Variants in ZBTB25 observed in about 807,000 individuals in gnomAD.
ZBTB25 encodes zinc finger and BTB domain-containing protein 25.
Under a neutral mutation model 34.2 loss-of-function variants are expected in ZBTB25, and 20 were observed. The observed-to-expected ratio is 0.58, with a 90% confidence interval of 0.41 to 0.85. The LOEUF (loss-of-function observed/expected upper bound fraction) is 0.85, where lower values mean the gene tolerates loss of function less well. ZBTB25 is among the 40% of genes least tolerant of loss of function. The probability of loss-of-function intolerance (pLI) is 0.00; values close to 1 mark genes in which losing one functional copy is unlikely to be tolerated. For synonymous variants in ZBTB25, 175 were observed against 186.4 expected (o/e 0.94, Z 0.50); for missense variants, 437 against 521.8 (o/e 0.84, Z 1.58).
chr14:64,469,290 T>A (rs373543681), intron 2 of ZBTB25: 2 of 1,613,238 alleles, frequency 1.2e-6, no homozygotes, highest in South Asian at 2.2e-5. Flanking sequence ...AGTACAGAGA[T>A]TGTAGCTGAA....
chr14:64,484,217 A>G lies in ZBTB25; in HGVS notation c.*2706T>C, dbSNP rs943029132. The G allele has an allele frequency of 3.9e-5, 6 of 152,350 alleles. No individual in the cohort carries two copies. The East Asian group carries it at 7.7e-4, about 20-fold the overall frequency. 9.4% of individuals were successfully genotyped at this position (152,350 alleles called of 1,614,324 possible). A position where few individuals can be genotyped will look rare whatever the true frequency, so the allele number is the denominator to read the frequency against. Reference sequence around the variant, plus strand: ...CCACTATTTTCTTAACTCTCAACGAACAGATATATTTCTGCTTTAAATGAG... The same window carrying G: ...CCACTATTTTCTTAACTCTCAACGAGCAGATATATTTCTGCTTTAAATGAG... On this transcript the variant is annotated 3_prime_UTR_variant, in exon 3 of 3. Coordinates refer to ENST00000608382, the MANE Select transcript of ZBTB25 (RefSeq NM_006977.5).
exon 3 of ZBTB25, chr14:64,449,299 G>T: frequency 1.1e-6 from 1 of 873,402 alleles, no homozygotes. Context: ...AGTAAGTTTC[G>T]GAGCTGAGAT....
chr14:64,500,983 G>A (rs1419793773), intron 1 of ZBTB25, among the ~76,000 whole-genome samples: 2 of 152,164 alleles, frequency 1.3e-5, no homozygotes, highest in Non-Finnish European at 2.9e-5. Context: ...TGCAGGAGGC[G>A]GAGGCTGCAG....
chr14:64,469,223 G>A (rs2078642226), intron 2 of ZBTB25: 1 of 1,613,984 alleles, frequency 6.2e-7, no homozygotes, highest in South Asian at 1.1e-5. Flanking sequence ...TCAACAAATT[G>A]TGGAAGAAGC....
intron 1 of ZBTB25, among the ~76,000 whole-genome samples, chr14:64,499,153 T>C (rs2079397988): frequency 6.6e-6 from 1 of 152,214 alleles, no homozygotes; most frequent in Admixed American, 6.5e-5. Flanking sequence ...TTTATACTAG[T>C]CTCTATAAAT....
At chr14:64,477,408 T>C (rs995810617), downstream of ZBTB25, among the ~76,000 whole-genome samples, 2 of 152,176 alleles carry the variant, frequency 1.3e-5, no homozygotes, top group Non-Finnish European at 2.9e-5. Context: ...ACTCTTCCCT[T>C]TATATGTCTT....
At chr14:64,503,371 A>G in intron 1 of ZBTB25, 2 of 985,160 alleles carry the variant, frequency 2.0e-6, no homozygotes, top group Non-Finnish European at 2.4e-6. Context: ...CGCGGCCGGG[A>G]CGGCTCTGCA....
chr14:64,475,099 CA>C (rs2078707376), downstream of ZBTB25, among the ~76,000 whole-genome samples: 1 of 152,164 alleles, frequency 6.6e-6, no homozygotes, highest in Non-Finnish European at 1.5e-5. Flanking sequence ...TCTTAATGTA[CA>C]AACACTGTAA....
intron 2 of ZBTB25, among the ~76,000 whole-genome samples, chr14:64,453,471 T>C (rs551946513): frequency 2.0e-5 from 3 of 152,138 alleles, no homozygotes; most frequent in Non-Finnish European, 4.4e-5. Flanking sequence ...CTCGGGAGGC[T>C]GAGGCAGGAG....
intron 2 of ZBTB25, among the ~76,000 whole-genome samples, chr14:64,452,371 TA>T (rs1410981816): frequency 6.6e-6 from 1 of 152,272 alleles, no homozygotes; most frequent in Non-Finnish European, 1.5e-5. Context: ...CTAATTTTTG[TA>T]ATTTGCTCAT....
chr14:64,496,462 G>C (rs1020852916), intron 1 of ZBTB25, among the ~76,000 whole-genome samples: 1 of 152,166 alleles, frequency 6.6e-6, no homozygotes, highest in Non-Finnish European at 1.5e-5. Flanking sequence ...CTGCATTCCA[G>C]CCTGGGCTAC....
intron 2 of ZBTB25, among the ~76,000 whole-genome samples, chr14:64,450,798 C>T (rs1244130270): frequency 2.0e-5 from 3 of 152,060 alleles, no homozygotes; most frequent in African/African-American, 7.3e-5. Flanking sequence ...GCCTCAACCT[C>T]CTGGACCCAA....
At chr14:64,454,866 A>G in intron 2 of ZBTB25, 2 of 1,614,168 alleles carry the variant, frequency 1.2e-6, no homozygotes, top group Non-Finnish European at 8.5e-7. Context: ...TGTACCCCTT[A>G]GTAGGAACGG....
chr14:64,502,862 G>A lies in ZBTB25; in HGVS notation c.-8+799C>T, dbSNP rs1038096593. 9 of 982,708 alleles carry A rather than the reference G, an allele frequency of 9.2e-6. No individual in the cohort carries two copies. The African/African-American group carries it at 1.2e-4, about 13-fold the overall frequency. 60.9% of individuals were successfully genotyped at this position (982,708 alleles called of 1,614,324 possible). On this transcript the variant is annotated intron_variant, in intron 1 of 2. Transcript: ENST00000608382. ...ACAGATTTTCTATAAGGCACCTCTC[G>A]GCTCTAAAATTTAAGATTCCAAAGT...
chr14:64,490,305 A>G, intron 2 of ZBTB25, 56 bp downstream of exon 2: 1 of 1,331,902 alleles, frequency 7.5e-7, no homozygotes, highest in Non-Finnish European at 1.0e-6. Flanking sequence ...ATACTATAAT[A>G]AAGCTTATAT....
At chr14:64,465,123 G>C (rs1346015349) in intron 2 of ZBTB25, among the ~76,000 whole-genome samples, 1 of 152,230 alleles carries the variant, frequency 6.6e-6, no homozygotes, top group Non-Finnish European at 1.5e-5. Flanking sequence ...TGAGGGGGAG[G>C]AGAGGAGATG....
intron 2 of ZBTB25, chr14:64,449,660 GA>G: frequency 6.2e-7 from 1 of 1,607,702 alleles, no homozygotes. Context: ...GAAAAAAGAC[GA>G]AAAGGGCACA....
At chr14:64,468,863 G>T in intron 2 of ZBTB25, 1 of 1,614,160 alleles carries the variant, frequency 6.2e-7, no homozygotes, top group Non-Finnish European at 8.5e-7. Flanking sequence ...AGTCCAGGAA[G>T]AAGCTGAAAT....
chr14:64,482,557 CAA>C lies in ZBTB25; in HGVS notation c.*4364_*4365del, dbSNP rs1292967148. The C allele has an allele frequency of 2.7e-4, 41 of 152,122 alleles. No individual in the cohort carries two copies. The highest frequency in any genetic ancestry group is 9.4e-4 in the African/African-American group (39 of 41,416). The allele number at this position is 152,122 out of a possible 1,614,324, so 9.4% of individuals were successfully genotyped here. On this transcript the variant is annotated 3_prime_UTR_variant, in exon 3 of 3. Transcript: ENST00000608382. ...GAACTTTCAATAAAGCTGAAATTGA[CAA>C]AGTTTTATTCCCAATAATGCCAAAG...
Sources: allele counts gnomAD v4.1 joint callset (sites outside exome capture counted in the v4.1 genomes callset), GRCh38; gene constraint gnomAD v4.1.1; transcripts MANE v1.5; gene names NCBI Gene and HGNC (gene_info 2026-07-23, HGNC 2026-07-21).